EGFR: variants seen among roughly 807,000 people sequenced by gnomAD.
EGFR encodes epidermal growth factor receptor.
In EGFR, 58 loss-of-function variants were observed where a neutral mutation model predicts 143.0. The observed-to-expected ratio is 0.41, with a 90% confidence interval of 0.33 to 0.50. The LOEUF is 0.50. EGFR is among the 20% of genes least tolerant of loss of function. EGFR has a pLI of 0.39. For missense variants in EGFR, 1,307 were observed against 1,579.0 expected (o/e 0.83, Z 2.92); for synonymous variants, 613 against 594.4 (o/e 1.03, Z -0.45).
chr7:55,176,672 C>T (rs1461267055), intron 19 of EGFR, among the ~76,000 whole-genome samples: 1 of 151,728 alleles, frequency 6.6e-6, no homozygotes, highest in Non-Finnish European at 1.5e-5. Flanking sequence ...AAAATCTCAC[C>T]ACTGCACTCC....
At chr7:55,041,152 C>T (rs1440322531) in intron 1 of EGFR, among the ~76,000 whole-genome samples, 1 of 152,236 alleles carries the variant, frequency 6.6e-6, no homozygotes, top group Non-Finnish European at 1.5e-5. Context: ...GTGGCTCATG[C>T]CTTTAATCCC....
intron 1 of EGFR, among the ~76,000 whole-genome samples, chr7:55,058,444 C>T (rs991028151): frequency 4.0e-5 from 6 of 151,256 alleles, no homozygotes; most frequent in Non-Finnish European, 7.4e-5. Context: ...ATAGCAAAGA[C>T]GTGGAATCAA....
In EGFR at chr7:55,158,619, C is replaced by T. The variant is rs1785544648; in HGVS notation, c.1298+866C>T. On this transcript the variant is annotated intron_variant, in intron 11 of 27. Transcript: ENST00000275493. ...GATTTAGAGCAATTTTCTTGGATGG[C>T]TGGTATGAGCCAGTTGGCTTAGTTG... 2.6e-5 allele frequency among the ~76,000 whole-genome samples: 4 copies of T among 152,192 alleles called. No individual in the cohort carries two copies. The South Asian group carries it at 8.3e-4, about 32-fold the overall frequency.
At position 55,161,562 on chromosome 7, in the gene EGFR, G is replaced by A. The variant is rs2227983; in HGVS notation, c.1562G>A (p.Arg521Lys). ...GAGGGCTGCTGGGGCCCGGAGCCCA[G>A]GGACTGCGTCTCTTGCCGGAATGTC... ...SPEGCWGPEPRDCVSCRNVSR... is the reference protein window; with the variant it reads ...SPEGCWGPEPKDCVSCRNVSR... The change falls in exon 13 of 28, where the codon AGG becomes AAG. Residue 521 changes from arginine (R) to lysine (K), a missense_variant. Transcript: ENST00000275493. The A allele has an allele frequency of 0.27, 432,573 of 1,614,172 alleles. 62,725 individuals carry two copies. The highest frequency in any genetic ancestry group is 0.57 in the East Asian group (25,728 of 44,872).
intron 1 of EGFR, among the ~76,000 whole-genome samples, chr7:55,131,728 G>T (rs946836931): frequency 5.3e-5 from 8 of 152,098 alleles, no homozygotes; most frequent in Admixed American, 4.6e-4. Context: ...TTTGACCCTC[G>T]GGGGAAAAGT....
chr7:55,186,381 G>C (rs573207480), intron 20 of EGFR, among the ~76,000 whole-genome samples: 2 of 152,300 alleles, frequency 1.3e-5, no homozygotes, highest in African/African-American at 4.8e-5. Context: ...CCTCAGATGA[G>C]GACTCGGCAG....
At chr7:55,178,173 T>C (rs564621914) in intron 19 of EGFR, among the ~76,000 whole-genome samples, 1 of 152,300 alleles carries the variant, frequency 6.6e-6, no homozygotes, top group African/African-American at 2.4e-5. Context: ...ATGAATACAA[T>C]ATGTTTTCAA....
At chr7:55,181,863 G>A (rs1018616674) in intron 20 of EGFR, 1 of 333,322 alleles carries the variant, frequency 3.0e-6, no homozygotes, top group South Asian at 2.6e-5. Context: ...CCAAGGCCAG[G>A]AGGACCCAGG....
intron 15 of EGFR, chr7:55,168,689 C>A: frequency 8.7e-7 from 1 of 1,153,568 alleles, no homozygotes; most frequent in East Asian, 2.6e-5. Context: ...ATTCCTGATT[C>A]TGAGCCTTTT....
At chr7:55,084,577 G>C (rs1468669535) in intron 1 of EGFR, among the ~76,000 whole-genome samples, 1 of 152,202 alleles carries the variant, frequency 6.6e-6, no homozygotes, top group Non-Finnish European at 1.5e-5. Flanking sequence ...GTTGCATTAA[G>C]AGATATAATA....
chr7:55,070,792 T>C (rs551816660), intron 1 of EGFR, among the ~76,000 whole-genome samples: 142 of 152,334 alleles, frequency 9.3e-4, no homozygotes, highest in African/African-American at 3.3e-3. Flanking sequence ...GCTATTTCTA[T>C]CCGTAGACAG....
chr7:55,039,955 A>T (rs1432246717), intron 1 of EGFR, among the ~76,000 whole-genome samples: 1 of 152,186 alleles, frequency 6.6e-6, no homozygotes, highest in Non-Finnish European at 1.5e-5. Flanking sequence ...CTTACTATAC[A>T]CTGGTAGTCA....
At chr7:55,151,767 G>A (rs1440957017) in intron 5 of EGFR, among the ~76,000 whole-genome samples, 3 of 152,128 alleles carry the variant, frequency 2.0e-5, no homozygotes, top group Admixed American at 6.5e-5. Context: ...CCAGCTACTC[G>A]GGAGGCTGAG....
At chr7:55,129,268 C>T (rs1793700076) in intron 1 of EGFR, among the ~76,000 whole-genome samples, 1 of 152,132 alleles carries the variant, frequency 6.6e-6, no homozygotes, top group South Asian at 2.1e-4. Flanking sequence ...CGTGGAATTC[C>T]CAGGAGGGCT....
At chr7:55,109,970 C>T (rs1284989684) in intron 1 of EGFR, 1 of 984,322 alleles carries the variant, frequency 1.0e-6, no homozygotes. Context: ...TAAGAAAGTA[C>T]ATGAGGAGGC....
chr7:55,096,488 G>T (rs1016462330), intron 1 of EGFR, among the ~76,000 whole-genome samples: 2 of 152,156 alleles, frequency 1.3e-5, no homozygotes, highest in African/African-American at 4.8e-5. Context: ...AACATCAGGC[G>T]ATGGGGATAC....
intron 1 of EGFR, among the ~76,000 whole-genome samples, chr7:55,066,313 G>A (rs144959874): frequency 3.7e-4 from 56 of 152,266 alleles, no homozygotes; most frequent in Middle Eastern, 3.4e-3. Context: ...AGGCACTGTC[G>A]TGCCAGCTAT....
chr7:55,186,703 T>G (rs192002438), intron 20 of EGFR, among the ~76,000 whole-genome samples: 1 of 152,364 alleles, frequency 6.6e-6, no homozygotes, highest in Middle Eastern at 3.4e-3. Flanking sequence ...TAGTTATTTC[T>G]TAAGCATTTA....
rs781240283 is a variant in EGFR at position 55,019,257 on chromosome 7, C to A, written c.-21C>A. The stretch of plus-strand genomic sequence containing the variant: ...CCAGTATTGATCGGGAGAGCCGGAG[C>A]GAGCTCTTCGGGGAGCAGCGATGCG... On this transcript the variant is annotated 5_prime_UTR_variant, in exon 1 of 28. Transcript: ENST00000275493. 10 of 1,477,896 alleles carry A rather than the reference C, an allele frequency of 6.8e-6. No individual in the cohort carries two copies. Among genetic ancestry groups the A allele is most frequent in the Admixed American group, 2.1e-5 (1 of 47,918 alleles). 91.5% of individuals were successfully genotyped at this position (1,477,896 alleles called of 1,614,324 possible).
Sources: gnomAD v4.1 joint callset for allele counts (sites outside exome capture counted in the v4.1 genomes callset) on GRCh38, gnomAD v4.1.1 for gene constraint, MANE v1.5 for transcripts, NCBI Gene and HGNC (gene_info 2026-07-23, HGNC 2026-07-21) for gene names.